MYRIP: variants seen among roughly 807,000 people sequenced by gnomAD.
The protein encoded by MYRIP is myosin VIIA and Rab interacting protein.
A neutral mutation model predicts 98.0 loss-of-function variants in MYRIP; 49 were observed. The ratio of observed to expected loss-of-function variants is 0.50; its 90% CI spans 0.40 to 0.63. MYRIP has a LOEUF of 0.63. MYRIP is among the 30% of genes least tolerant of loss of function. MYRIP has a pLI of 0.00. For missense variants in MYRIP, 1,004 were observed against 1,058.2 expected (o/e 0.95, Z 0.71); for synonymous variants, 404 against 409.5 (o/e 0.99, Z 0.16).
In MYRIP at chr3:39,880,213, C is replaced by G. The variant is rs965777286; in HGVS notation, c.-30-20574C>G. ...CTAATGCTATCCCTTCCCACTCCCC[C>G]CAGGGTCAAATTCCTCAAATATTTG... is the stretch of plus-strand genomic sequence containing the variant. On this transcript the variant is annotated intron_variant, in intron 1 of 16. Transcript: ENST00000302541. Among the ~76,000 whole-genome samples the G allele has an allele frequency of 2.6e-5, 4 of 152,184 alleles. No homozygotes were observed. In the East Asian group the frequency reaches 5.8e-4, roughly 22 times the overall value.
chr3:40,126,783 T>C lies in MYRIP; in HGVS notation c.333-24265T>C, dbSNP rs183020200. ...CCAAGGAACTATTTAGAAATAATAA[T>C]TCCTAAGAGTTGAGTCTCACTAGGC... On this transcript the variant is annotated intron_variant, in intron 3 of 16. Transcript: ENST00000302541. Among the ~76,000 whole-genome samples the C allele has an allele frequency of 2.1e-4, 32 of 152,344 alleles. No homozygotes were observed. The East Asian group carries it at 6.0e-3, about 28-fold the overall frequency.
Position 40,190,132 on chromosome 3 carries a change from C to A in MYRIP, c.1334C>A (p.Ser445Tyr), listed in dbSNP as rs1210357519. 1 of 1,614,062 alleles carries A rather than the reference C, an allele frequency of 6.2e-7. No individual in the cohort carries two copies. Among genetic ancestry groups the A allele is most frequent in the African/African-American group, 1.3e-5 (1 of 75,046 alleles). Residue 445 changes from serine to tyrosine, a missense_variant, in exon 10 of 17, where the codon TCC (serine) becomes TAC (tyrosine). Coordinates refer to ENST00000302541, the MANE Select transcript of MYRIP (RefSeq NM_015460.4). ...PIAASPSSALSPNPEAMCSDS... is the reference protein window; with the variant it reads ...PIAASPSSALYPNPEAMCSDS... ...GCTGCCTCCCCATCCTCTGCACTCTCCCCCAACCCTGAGGCCATGTGCTCT... is the reference window on the plus strand; with the variant it reads ...GCTGCCTCCCCATCCTCTGCACTCTACCCCAACCCTGAGGCCATGTGCTCT...
At chr3:40,232,144 C>A (rs1405200572) in intron 11 of MYRIP, among the ~76,000 whole-genome samples, 5 of 152,170 alleles carry the variant, frequency 3.3e-5, no homozygotes, top group Non-Finnish European at 5.9e-5. Context: ...CCTGGGACCC[C>A]AGATTCTACC....
chr3:39,859,359 G>A (rs1942395005), intron 1 of MYRIP, among the ~76,000 whole-genome samples: 1 of 152,082 alleles, frequency 6.6e-6, no homozygotes, highest in Non-Finnish European at 1.5e-5. Context: ...GACCAATAAT[G>A]AATAAGGAGA....
At chr3:40,026,280 G>A (rs1027317629) in intron 2 of MYRIP, among the ~76,000 whole-genome samples, 3 of 152,050 alleles carry the variant, frequency 2.0e-5, no homozygotes, top group Non-Finnish European at 2.9e-5. Context: ...TATTTTGTCC[G>A]ACCCCGCAGG....
intron 4 of MYRIP, among the ~76,000 whole-genome samples, chr3:40,158,842 T>C (rs547038486): frequency 6.7e-6 from 1 of 148,984 alleles, no homozygotes; most frequent in African/African-American, 2.6e-5. Flanking sequence ...TGTTTTCCAT[T>C]TGCTTGGTAG....
At chr3:39,860,522 C>A (rs1460207711) in intron 1 of MYRIP, among the ~76,000 whole-genome samples, 1 of 152,192 alleles carries the variant, frequency 6.6e-6, no homozygotes, top group Non-Finnish European at 1.5e-5. Flanking sequence ...AACCTGAGGA[C>A]CTCCCTGTCT....
intron 4 of MYRIP, among the ~76,000 whole-genome samples, chr3:40,155,461 T>C (rs1410994508): frequency 6.6e-6 from 1 of 152,186 alleles, no homozygotes; most frequent in Non-Finnish European, 1.5e-5. Context: ...TACGTGTGCA[T>C]GTGTCTTTAT....
chr3:39,994,852 C>A (rs977539475), intron 2 of MYRIP, among the ~76,000 whole-genome samples: 8 of 152,210 alleles, frequency 5.3e-5, no homozygotes, highest in Non-Finnish European at 1.2e-4. Flanking sequence ...TCCAGAGGAA[C>A]AATTAGGCAG....
chr3:39,854,904 A>C (rs1942240916), intron 1 of MYRIP, among the ~76,000 whole-genome samples: 1 of 151,942 alleles, frequency 6.6e-6, no homozygotes, highest in Non-Finnish European at 1.5e-5. Flanking sequence ...AGTGATTGTT[A>C]TTGCTCTTCT....
chr3:39,818,649 T>C (rs1941003785), intron 1 of MYRIP, among the ~76,000 whole-genome samples: 1 of 152,184 alleles, frequency 6.6e-6, no homozygotes, highest in Non-Finnish European at 1.5e-5. Flanking sequence ...TGATTGTTTC[T>C]TTAATTTTGG....
At chr3:40,086,078 A>C (rs1948620008) in intron 3 of MYRIP, among the ~76,000 whole-genome samples, 2 of 152,356 alleles carry the variant, frequency 1.3e-5, no homozygotes, top group South Asian at 4.1e-4. Context: ...ATGGGATCCC[A>C]AAAAATGTTT....
At chr3:40,041,755 TAATACTTAAAAA>T (rs1157681042) in intron 2 of MYRIP, among the ~76,000 whole-genome samples, 4 of 138,986 alleles carry the variant, frequency 2.9e-5, no homozygotes, top group Non-Finnish European at 4.6e-5. Context: ...ATTTTGATAA[TAATACTTAAAAA>T]AATACTGAAT....
chr3:40,170,602 C>T (rs1302194677), intron 8 of MYRIP, among the ~76,000 whole-genome samples: 1 of 152,194 alleles, frequency 6.6e-6, no homozygotes, highest in Non-Finnish European at 1.5e-5. Flanking sequence ...CTTTCCACAA[C>T]CAAGGGTTTG....
At chr3:40,091,006 G>A (rs1241592129) in intron 3 of MYRIP, among the ~76,000 whole-genome samples, 4 of 152,150 alleles carry the variant, frequency 2.6e-5, no homozygotes, top group South Asian at 2.1e-4. Context: ...CCAGGCAAGC[G>A]AGCACATGTG....
intron 2 of MYRIP, among the ~76,000 whole-genome samples, chr3:39,989,543 T>C (rs1340267844): frequency 6.6e-6 from 1 of 152,212 alleles, no homozygotes; most frequent in Non-Finnish European, 1.5e-5. Context: ...CTTTGTCCCT[T>C]GGTGGATTGG....
chr3:40,170,088 C>G lies in MYRIP; in HGVS notation c.868C>G (p.Leu290Val). 1 of 1,614,102 alleles carries G rather than the reference C, an allele frequency of 6.2e-7. No individual in the cohort carries two copies. Among genetic ancestry groups the G allele is most frequent in the Non-Finnish European group, 8.5e-7 (1 of 1,180,030 alleles). ...SPGGYRAPAA[L>V]WRSQSAFSIT... ...TGGAGGCTACCGTGCTCCCGCTGCCCTCTGGGTGAGTCCCCAAGCAGTGCT... is the reference window on the plus strand; with the variant it reads ...TGGAGGCTACCGTGCTCCCGCTGCCGTCTGGGTGAGTCCCCAAGCAGTGCT... Residue 290 changes from leucine (L) to valine (V), a missense_variant, in exon 8 of 17, where the codon CTC becomes GTC. By Grantham distance (32) the Leu-to-Val change is conservative. Transcript: ENST00000302541.
chr3:39,855,408 T>C (rs1216810894), intron 1 of MYRIP, among the ~76,000 whole-genome samples: 1 of 152,098 alleles, frequency 6.6e-6, no homozygotes, highest in East Asian at 1.9e-4. Flanking sequence ...AAAGTTTCTA[T>C]GTTTTGTGTT....
chr3:40,000,885 G>A (rs7611605), intron 2 of MYRIP, among the ~76,000 whole-genome samples: 15,367 of 152,094 alleles, frequency 0.1, 1,355 homozygotes, highest in African/African-American at 0.23. Flanking sequence ...TTAGAAACAT[G>A]CTAGGTTACC....
Sources: allele counts gnomAD v4.1 joint callset (sites outside exome capture counted in the v4.1 genomes callset), GRCh38; gene constraint gnomAD v4.1.1; transcripts MANE v1.5; gene names NCBI Gene and HGNC (gene_info 2026-07-23, HGNC 2026-07-21).